Variants in TIAM1 observed in about 807,000 individuals in gnomAD.
TIAM1 encodes the protein rho guanine nucleotide exchange factor TIAM1.
A neutral mutation model predicts 163.5 loss-of-function variants in TIAM1; 65 were observed. The ratio of observed to expected loss-of-function variants is 0.40; its 90% confidence interval spans 0.33 to 0.49. The LOEUF (loss-of-function observed/expected upper bound fraction) is 0.49, where lower values mean the gene tolerates loss of function less well. TIAM1 is among the 20% of genes least tolerant of loss of function. The pLI is 0.77. For synonymous variants in TIAM1, 833 were observed against 810.1 expected, an observed-to-expected ratio of 1.03 and a Z score of -0.48; for missense variants, 1,789 against 2,044.7, an observed-to-expected ratio of 0.87 and a Z score of 2.41.
Position 31,521,687 on chromosome 21 carries a change from T to C in TIAM1, c.-422+37240A>G, listed in dbSNP as rs1187439517. On this transcript the variant is annotated intron_variant, in intron 1 of 28. Coordinates refer to the TIAM1 transcript ENST00000286827. ...GGGAGTTCAAGGCTGTAGTGAGCCA[T>C]GACTTGTACCACTGCATGCCAGCCT... Among the ~76,000 whole-genome samples, 4 of 151,522 alleles carry C rather than the reference T, an allele frequency of 2.6e-5. No individual in the cohort carries two copies. The East Asian group carries it at 5.8e-4, about 22-fold the overall frequency.
chr21:31,348,107 C>A (rs845929), upstream of TIAM1, among the ~76,000 whole-genome samples: 72,072 of 150,882 alleles, frequency 0.48, 18,356 homozygotes, highest in African/African-American at 0.63. Context: ...CTCTCTCTCT[C>A]TATATATTAG....
intron 1 of TIAM1, among the ~76,000 whole-genome samples, chr21:31,496,944 C>T (rs887603998): frequency 5.3e-5 from 8 of 152,188 alleles, no homozygotes; most frequent in Admixed American, 4.6e-4. Context: ...ATAAGGAGCA[C>T]GCAACCTACA....
chr21:31,476,362 C>G (rs1008964473), intron 1 of TIAM1, among the ~76,000 whole-genome samples: 3 of 152,202 alleles, frequency 2.0e-5, no homozygotes, highest in Non-Finnish European at 2.9e-5. Context: ...TTTGTCTTCT[C>G]TTTTGCTGGA....
In TIAM1 at chr21:31,148,004, C is replaced by CAAA. The variant is rs34410316; in HGVS notation, c.3367-1004_3367-1002dup. Among the ~76,000 whole-genome samples, 505 of 63,718 alleles carry CAAA rather than the reference C, an allele frequency of 7.9e-3. 10 individuals are homozygous for CAAA. The highest frequency in any genetic ancestry group is 0.048 in the Admixed American group (199 of 4,166). 41.8% of individuals were successfully genotyped at this position (63,718 alleles called of 152,430 possible). A position where few individuals can be genotyped will look rare whatever the true frequency, so the allele number is the denominator to read the frequency against. On this transcript the variant is annotated intron_variant, in intron 19 of 27. Transcript: ENST00000541036. ...AGAGGATTCTGAGTCTGTCCATGAC[C>CAAA]AAAAAAAAAAAAAAAAAAAAAAAAG... is the stretch of plus-strand genomic sequence containing the variant.
At chr21:31,211,044 C>T (rs770403706) in intron 10 of TIAM1, among the ~76,000 whole-genome samples, 1 of 151,950 alleles carries the variant, frequency 6.6e-6, no homozygotes, top group Non-Finnish European at 1.5e-5. Context: ...ACCTTCAGCA[C>T]GACCCGGCGC....
upstream of TIAM1, among the ~76,000 whole-genome samples, chr21:31,346,034 C>T (rs979608437): frequency 1.3e-5 from 2 of 150,854 alleles, no homozygotes; most frequent in African/African-American, 2.4e-5. Flanking sequence ...AATTTGCCTC[C>T]GGGGAACATT....
intron 1 of TIAM1, among the ~76,000 whole-genome samples, chr21:31,541,502 T>C (rs558870792): frequency 6.6e-6 from 1 of 151,964 alleles, no homozygotes; most frequent in Non-Finnish European, 1.5e-5. Flanking sequence ...AAAAAGATTA[T>C]TAAAATAGTG....
At chr21:31,493,391 G>A (rs922400970) in intron 1 of TIAM1, among the ~76,000 whole-genome samples, 10 of 152,154 alleles carry the variant, frequency 6.6e-5, no homozygotes, top group African/African-American at 7.2e-5. Context: ...GGAAGAGATC[G>A]CATTGAGAAT....
chr21:31,143,417 C>A (rs189863922), intron 20 of TIAM1, among the ~76,000 whole-genome samples: 122 of 150,838 alleles, frequency 8.1e-4, no homozygotes, highest in Admixed American at 9.3e-4. Context: ...AATACCCTCT[C>A]CCCGCAAAAA....
intron 6 of TIAM1, among the ~76,000 whole-genome samples, chr21:31,228,250 A>AGG (rs2088170561): frequency 7.5e-6 from 1 of 133,046 alleles, no homozygotes; most frequent in African/African-American, 3.5e-5. Context: ...AAAAAAAAAA[A>AGG]AAAAAAAAAG....
At position 31,524,590 on chromosome 21, in the gene TIAM1, T is replaced by C. The variant is rs185730502; in HGVS notation, c.-422+34337A>G. 2.7e-3 allele frequency among the ~76,000 whole-genome samples: 404 copies of C among 152,280 alleles called. 2 individuals carry two copies. The highest frequency in any genetic ancestry group is 9.1e-3 in the African/African-American group (379 of 41,556). ...GGTGAAGGGTTTGATCCTGAGAGCT[T>C]TGAAATAGAAAAATGGAAAATCTAA... On this transcript the variant is annotated intron_variant, in intron 1 of 28. Transcript: ENST00000286827.
intron 2 of TIAM1, among the ~76,000 whole-genome samples, chr21:31,463,158 C>T (rs1248969233): frequency 6.6e-6 from 1 of 152,142 alleles, no homozygotes; most frequent in East Asian, 1.9e-4. Flanking sequence ...AGGAACTAAT[C>T]AACAACTCGA....
intron 1 of TIAM1, among the ~76,000 whole-genome samples, chr21:31,522,862 T>C (rs2047652263): frequency 6.6e-6 from 1 of 152,224 alleles, no homozygotes; most frequent in Non-Finnish European, 1.5e-5. Flanking sequence ...TATCTAACAC[T>C]TATTCTCATA....
At chr21:31,430,437 A>C (rs1231609128) in intron 2 of TIAM1, among the ~76,000 whole-genome samples, 3 of 151,968 alleles carry the variant, frequency 2.0e-5, no homozygotes, top group African/African-American at 7.2e-5. Flanking sequence ...ATATTTACAA[A>C]TGATTTAAGG....
At chr21:31,265,916 G>A (rs1019010872) in intron 4 of TIAM1, 94 bp downstream of exon 4, 55 of 1,509,208 alleles carry the variant, frequency 3.6e-5, no homozygotes, top group Middle Eastern at 3.6e-4. Context: ...GGTAAAACCC[G>A]ATTAAAAGAT....
chr21:31,520,121 G>C (rs1411950394), intron 1 of TIAM1, among the ~76,000 whole-genome samples: 1 of 152,092 alleles, frequency 6.6e-6, no homozygotes, highest in Non-Finnish European at 1.5e-5. Flanking sequence ...ACCTGAGGTC[G>C]GGAGTTCGAG....
At chr21:31,536,876 G>A (rs550090549) in intron 1 of TIAM1, among the ~76,000 whole-genome samples, 8 of 152,212 alleles carry the variant, frequency 5.3e-5, no homozygotes, top group African/African-American at 9.6e-5. Context: ...GTTCAGGAGA[G>A]AGGGCAAGAA....
chr21:31,357,355 C>T (rs1005087051), intron 2 of TIAM1, among the ~76,000 whole-genome samples: 12 of 152,158 alleles, frequency 7.9e-5, no homozygotes, highest in African/African-American at 2.9e-4. Context: ...TGTTCTACTT[C>T]TCTGAGAAAA....
At chr21:31,193,027 C>A (rs2085646006) in intron 13 of TIAM1, among the ~76,000 whole-genome samples, 1 of 152,194 alleles carries the variant, frequency 6.6e-6, no homozygotes, top group Admixed American at 6.5e-5. Flanking sequence ...ACTGATACAG[C>A]ACAGCATGGA....
Sources: gnomAD v4.1 joint callset for allele counts (sites outside exome capture counted in the v4.1 genomes callset) on GRCh38, gnomAD v4.1.1 for gene constraint, MANE v1.5 for transcripts, NCBI Gene and HGNC (gene_info 2026-07-23, HGNC 2026-07-21) for gene names.